HTRA1: variants seen among roughly 807,000 people sequenced by gnomAD.
The protein encoded by HTRA1 is HtrA serine peptidase 1, also known as serine protease HTRA1.
A neutral mutation model predicts 49.7 loss-of-function variants in HTRA1; 26 were observed. That is an observed-to-expected ratio of 0.52 (90% CI 0.38 to 0.73). HTRA1 has a LOEUF of 0.73. Ranked by LOEUF, HTRA1 falls within the 30% of genes least tolerant of loss-of-function variation. HTRA1 has a pLI of 0.00. For missense variants in HTRA1, 561 were observed against 667.2 expected, an observed-to-expected ratio of 0.84 and a Z score of 1.75; for synonymous variants, 291 against 286.9, an observed-to-expected ratio of 1.01 and a Z score of -0.14.
rs368576375 is a variant in HTRA1, at chr10:122,511,847, G to C, written c.1179-123G>C. On this transcript the variant is annotated intron_variant, in intron 7 of 8. Transcript: ENST00000368984. Reference sequence around the variant, plus strand: ...CAATTTTAATTTTAAAATAGGATCAGAATTCCTGGAGGAATTTTACCTTAG... The same window carrying C: ...CAATTTTAATTTTAAAATAGGATCACAATTCCTGGAGGAATTTTACCTTAG... The C allele has an allele frequency of 7.0e-6, 5 of 715,618 alleles. No individual in the cohort carries two copies. In the East Asian group the frequency reaches 1.3e-4, roughly 19 times the overall value. 44.3% of individuals were successfully genotyped at this position (715,618 alleles called of 1,614,324 possible).
Position 122,461,803 on chromosome 10 carries a change from G to A in HTRA1, c.151G>A (p.Glu51Lys), listed in dbSNP as rs914489150. 7 of 1,064,660 alleles carry A rather than the reference G, an allele frequency of 6.6e-6. No individual in the cohort carries two copies. The highest frequency in any genetic ancestry group is 1.7e-5 in the African/African-American group (1 of 58,700). 66.0% of individuals were successfully genotyped at this position (1,064,660 alleles called of 1,614,324 possible). Residue 51 changes from glutamate (E) to lysine (K), a missense_variant, in exon 1 of 9, where the codon GAG becomes AAG. Coordinates refer to ENST00000368984, the MANE Select transcript of HTRA1 (RefSeq NM_002775.5). ...CEPARCPPQP[E>K]HCEGGRARDA... is the part of the protein sequence containing the mutation. The stretch of plus-strand genomic sequence containing the variant: ...GCCGGCGCGCTGCCCGCCGCAGCCG[G>A]AGCACTGCGAGGGCGGCCGGGCCCG...
At chr10:122,478,982 A>G (rs1364660788) in intron 1 of HTRA1, among the ~76,000 whole-genome samples, 1 of 152,240 alleles carries the variant, frequency 6.6e-6, no homozygotes, top group African/African-American at 2.4e-5. Flanking sequence ...CTAGTCTTGA[A>G]TCTAGGACAG....
At chr10:122,486,568 C>T (rs1374501452) in intron 1 of HTRA1, among the ~76,000 whole-genome samples, 1 of 152,132 alleles carries the variant, frequency 6.6e-6, no homozygotes, top group Non-Finnish European at 1.5e-5. Context: ...TGTCCCTGTG[C>T]CCCATGGTGT....
intron 3 of HTRA1, among the ~76,000 whole-genome samples, chr10:122,493,768 A>C (rs1358438796): frequency 6.6e-6 from 1 of 152,038 alleles, no homozygotes; most frequent in Non-Finnish European, 1.5e-5. Flanking sequence ...GAGAGATCTG[A>C]ACTCCTTACC....
chr10:122,462,955 A>G (rs748625113), intron 1 of HTRA1, among the ~76,000 whole-genome samples: 7 of 152,246 alleles, frequency 4.6e-5, no homozygotes, highest in Non-Finnish European at 7.3e-5. Context: ...AGCAATGTCT[A>G]ACTCTCTCGC....
At position 122,487,239 on chromosome 10, in the gene HTRA1, G is replaced by T. The variant is rs902514846; in HGVS notation, c.473-1663G>T. ...GTGCAACGCTGAGCTAGTCCAAGGG[G>T]GAAGAATGGGGTGCATGGCTCTCAG... On this transcript the variant is annotated intron_variant, in intron 1 of 8. Coordinates refer to ENST00000368984, the MANE Select transcript of HTRA1 (RefSeq NM_002775.5). The surrounding 1 kb of genome is among the most constrained non-coding windows in gnomAD (Gnocchi z 4.8). Among the ~76,000 whole-genome samples the T allele has an allele frequency of 2.0e-4, 30 of 152,198 alleles. No individual in the cohort carries two copies. Among genetic ancestry groups the T allele is most frequent in the African/African-American group, 7.0e-4 (29 of 41,456 alleles).
rs760855864 is a variant in HTRA1 at position 122,506,848 on chromosome 10, C to G, written c.935C>G (p.Ser312Ter). The change falls in exon 4 of 9, where the codon TCA becomes TGA. Residue 312 changes from serine to a stop codon, truncating the protein, a stop_gained. Coordinates refer to ENST00000368984, the MANE Select transcript of HTRA1 (RefSeq NM_002775.5). LOFTEE classifies it high-confidence loss of function. This position sits in a 1 kb window ranked among gnomAD's most constrained non-coding sequence, Gnocchi z 5.2. ...GGCAAAGAGCTGGGGCTCCGCAACT[C>G]AGACATGGACTACATCCAGACCGAC... is the stretch of plus-strand genomic sequence containing the variant. The part of the protein sequence containing the change: ...RGGKELGLRN[S>*]DMDYIQTDAI... 6.2e-7 allele frequency: 1 copy of G among 1,613,864 alleles called. No individual in the cohort carries two copies. The highest frequency in any genetic ancestry group is 1.1e-5 in the South Asian group (1 of 91,076).
intron 8 of HTRA1, among the ~76,000 whole-genome samples, chr10:122,513,121 T>G (rs2097506375): frequency 6.6e-6 from 1 of 152,202 alleles, no homozygotes; most frequent in African/African-American, 2.4e-5. Flanking sequence ...AAGCCTAAAA[T>G]ATTTCCTATG....
chr10:122,502,838 G>T (rs1382479499), intron 3 of HTRA1, among the ~76,000 whole-genome samples: 1 of 152,252 alleles, frequency 6.6e-6, no homozygotes, highest in East Asian at 1.9e-4. Flanking sequence ...GGCATGGGTT[G>T]TTTTTGCCCC....
intron 1 of HTRA1, among the ~76,000 whole-genome samples, chr10:122,481,836 C>G (rs1490788325): frequency 6.6e-6 from 1 of 152,122 alleles, no homozygotes; most frequent in Non-Finnish European, 1.5e-5. Flanking sequence ...GGGAGTTTCC[C>G]TGCACAAGCT....
At position 122,493,233 on chromosome 10, in the gene HTRA1, C is replaced by T. The variant is rs367822489; in HGVS notation, c.777+3607C>T. ...GTGAGAAGGTGTCCACCTGCAGCCC[C>T]GGCCAGGCATCCCTTTCTGTGCTTC... On this transcript the variant is annotated intron_variant, in intron 3 of 8. Transcript: ENST00000368984. 6.4e-4 allele frequency among the ~76,000 whole-genome samples: 98 copies of T among 152,336 alleles called. 1 individual carries two copies. The South Asian group carries it at 0.02, about 31-fold the overall frequency.
chr10:122,495,337 C>A (rs1443469851), intron 3 of HTRA1, among the ~76,000 whole-genome samples: 1 of 152,086 alleles, frequency 6.6e-6, no homozygotes, highest in Non-Finnish European at 1.5e-5. Context: ...GCTAATGATG[C>A]CACAGACGGT....
intron 3 of HTRA1, among the ~76,000 whole-genome samples, chr10:122,498,542 C>G (rs561393023): frequency 6.6e-6 from 1 of 152,322 alleles, no homozygotes; most frequent in South Asian, 2.1e-4. Context: ...GAACCCTGAA[C>G]GGAAGCTGAA....
chr10:122,470,978 C>G (rs977854368), intron 1 of HTRA1, among the ~76,000 whole-genome samples: 1 of 152,178 alleles, frequency 6.6e-6, no homozygotes, highest in African/African-American at 2.4e-5. Flanking sequence ...TCACTACCAT[C>G]ATGTCCAAGG....
chr10:122,488,589 A>G (rs2097494145), intron 1 of HTRA1, among the ~76,000 whole-genome samples: 1 of 152,128 alleles, frequency 6.6e-6, no homozygotes, highest in South Asian at 2.1e-4. Flanking sequence ...AACAAAAAAC[A>G]AACTTGGGCC....
At chr10:122,507,978 G>GGGCAGCTCTGGGGCCATTTATAGAT in intron 5 of HTRA1, among the ~76,000 whole-genome samples, 1 of 152,134 alleles carries the variant, frequency 6.6e-6, no homozygotes, top group South Asian at 2.1e-4. Context: ...CATTTATAGA[G>GGGCAGCTCTGGGGCCATTTATAGAT]GGCAGCTCTG....
At chr10:122,500,214 C>T (rs971101565) in intron 3 of HTRA1, among the ~76,000 whole-genome samples, 2 of 152,178 alleles carry the variant, frequency 1.3e-5, no homozygotes, top group African/African-American at 4.8e-5. Context: ...GCCAAGCCAG[C>T]ATCTGGAGAA....
At chr10:122,512,922 A>G (rs1329012519) in intron 8 of HTRA1, among the ~76,000 whole-genome samples, 1 of 152,182 alleles carries the variant, frequency 6.6e-6, no homozygotes, top group Non-Finnish European at 1.5e-5. Context: ...CTCGTAGCTT[A>G]GTTCCCACTT....
At chr10:122,507,029 G>A in intron 4 of HTRA1, 144 bp downstream of exon 4, 1 of 783,880 alleles carries the variant, frequency 1.3e-6, no homozygotes, top group Admixed American at 2.0e-5. Context: ...TCTAGTGCCA[G>A]CAGCATGGCA....
Sources: gnomAD v4.1 joint callset for allele counts (sites outside exome capture counted in the v4.1 genomes callset) on GRCh38, gnomAD v4.1.1 for gene constraint, Gnocchi (gnomAD v3.1) non-coding constraint, MANE v1.5 for transcripts, NCBI Gene and HGNC (gene_info 2026-07-23, HGNC 2026-07-21) for gene names.